DOCK2: variants seen among roughly 807,000 people sequenced by gnomAD.
The protein encoded by DOCK2 is dedicator of cytokinesis protein 2.
A neutral mutation model predicts 248.9 loss-of-function variants in DOCK2; 87 were observed. The ratio of observed to expected loss-of-function variants is 0.35; its 90% CI spans 0.29 to 0.42. The LOEUF (loss-of-function observed/expected upper bound fraction) is 0.42, where lower values mean the gene tolerates loss of function less well. Among genes scored for constraint, DOCK2 ranks in the 10% least tolerant of loss-of-function variants. The probability of loss-of-function intolerance (pLI) is 1.00; values close to 1 mark genes in which losing one functional copy is unlikely to be tolerated. For synonymous variants in DOCK2, 805 were observed against 821.6 expected (o/e 0.98, Z 0.35); for missense variants, 1,747 against 2,300.2 (o/e 0.76, Z 4.92).
chr5:169,918,417 A>C (rs780830797), intron 27 of DOCK2, among the ~76,000 whole-genome samples: 22 of 152,176 alleles, frequency 1.4e-4, no homozygotes, highest in Non-Finnish European at 2.8e-4. Context: ...TATAAATCAC[A>C]ACATAGGAAA....
At chr5:169,747,340 CT>C in intron 22 of DOCK2, 55 bp from the exon 23 acceptor site, 1 of 1,526,774 alleles carries the variant, frequency 6.5e-7, no homozygotes, top group African/African-American at 1.4e-5. Flanking sequence ...CTAGTACACA[CT>C]TTTAAAAGTA....
intron 32 of DOCK2, among the ~76,000 whole-genome samples, chr5:170,017,120 C>T (rs1561882506): frequency 6.6e-6 from 1 of 152,136 alleles, no homozygotes; most frequent in Non-Finnish European, 1.5e-5. Flanking sequence ...ACTACTCCAA[C>T]ATTAAGCCTC....
rs1757760332 is a variant in DOCK2, at chr5:170,073,968, T to TGTTGGAC, written c.4729-1979_4729-1978insGTTGGAC. Among the ~76,000 whole-genome samples, 11 of 152,162 alleles carry TGTTGGAC rather than the reference T, an allele frequency of 7.2e-5. No homozygotes were observed. The South Asian group carries it at 2.1e-3, about 29-fold the overall frequency. On this transcript the variant is annotated intron_variant, in intron 46 of 51. Coordinates refer to ENST00000520908, the MANE Select transcript of DOCK2 (RefSeq NM_004946.3). ...CCACTCTCACCTTTATTATTTTCATTCCTTTTCTCCCTTTGAATTTAGTTC... is the reference window on the plus strand; with the variant it reads ...CCACTCTCACCTTTATTATTTTCATTGTTGGACCCTTTTCTCCCTTTGAATTTAGTTC...
At chr5:169,732,505 T>A (rs374788205) in intron 22 of DOCK2, among the ~76,000 whole-genome samples, 2 of 152,132 alleles carry the variant, frequency 1.3e-5, no homozygotes, top group Non-Finnish European at 2.9e-5. Context: ...TTCTAGTATA[T>A]CAAAGGCAAC....
rs554782701 is a variant in DOCK2 at position 169,765,504 on chromosome 5, C to T, written c.2554+3879C>T. ...GCCCGGAGAAAGCTCCAAGAGGAGTCTAGAAGAAAAGCAAACCCTCTGTGC... is the reference window on the plus strand; with the variant it reads ...GCCCGGAGAAAGCTCCAAGAGGAGTTTAGAAGAAAAGCAAACCCTCTGTGC... On this transcript the variant is annotated intron_variant, in intron 25 of 51. Coordinates refer to ENST00000520908, the MANE Select transcript of DOCK2 (RefSeq NM_004946.3). Among the ~76,000 whole-genome samples, 10 of 152,328 alleles carry T rather than the reference C, an allele frequency of 6.6e-5. No individual in the cohort carries two copies. In the South Asian group the frequency reaches 2.1e-3, roughly 32 times the overall value.
intron 1 of DOCK2, among the ~76,000 whole-genome samples, chr5:169,641,984 C>T (rs1332762042): frequency 1.3e-5 from 2 of 152,296 alleles, no homozygotes; most frequent in South Asian, 2.1e-4. Flanking sequence ...GGGTGCTGCC[C>T]CTGGCAGGTC....
At chr5:170,034,168 C>T (rs1020243414) in intron 34 of DOCK2, among the ~76,000 whole-genome samples, 2 of 152,162 alleles carry the variant, frequency 1.3e-5, no homozygotes, top group African/African-American at 4.8e-5. Flanking sequence ...ATCTCCCCCA[C>T]CATCATTATC....
chr5:169,706,639 G>T (rs756363414), intron 14 of DOCK2, among the ~76,000 whole-genome samples: 16 of 152,178 alleles, frequency 1.1e-4, no homozygotes, highest in Non-Finnish European at 1.9e-4. Flanking sequence ...GTTCTGGAAG[G>T]CTTCATCCCA....
chr5:169,871,120 C>T (rs1771940873), intron 27 of DOCK2, among the ~76,000 whole-genome samples: 1 of 152,280 alleles, frequency 6.6e-6, no homozygotes, highest in East Asian at 1.9e-4. Context: ...AGTTCATGAC[C>T]TAATCACCTT....
chr5:169,946,453 G>T (rs1776452969), intron 27 of DOCK2, among the ~76,000 whole-genome samples: 1 of 152,208 alleles, frequency 6.6e-6, no homozygotes, highest in Non-Finnish European at 1.5e-5. Flanking sequence ...GAAAGGGCAG[G>T]AGTGTTTTGG....
intron 26 of DOCK2, among the ~76,000 whole-genome samples, chr5:169,810,989 T>TCA (rs55987604): frequency 0.058 from 5,632 of 97,246 alleles, 122 homozygotes; most frequent in East Asian, 0.089. Context: ...TCTCTCTCTC[T>TCA]CACACACACA....
chr5:170,047,936 G>A (rs61591572), intron 40 of DOCK2, among the ~76,000 whole-genome samples: 16,227 of 152,212 alleles, frequency 0.11, 1,564 homozygotes, highest in East Asian at 0.48. Context: ...TTACTGTAGA[G>A]CAGTCGTTCT....
chr5:169,697,152 T>C (rs1760682161), intron 10 of DOCK2, among the ~76,000 whole-genome samples: 1 of 152,150 alleles, frequency 6.6e-6, no homozygotes, highest in African/African-American at 2.4e-5. Flanking sequence ...AAAGGTACTT[T>C]ATTGGTGTAA....
chr5:169,686,034 G>T (rs1016709695), intron 8 of DOCK2, among the ~76,000 whole-genome samples: 6 of 152,212 alleles, frequency 3.9e-5, no homozygotes, highest in African/African-American at 7.2e-5. Context: ...ACCTCAAAGA[G>T]TCAGCCCAAT....
intron 32 of DOCK2, among the ~76,000 whole-genome samples, chr5:170,017,755 A>C (rs559456125): frequency 6.6e-6 from 1 of 152,298 alleles, no homozygotes; most frequent in East Asian, 1.9e-4. Flanking sequence ...TGTAATTGAT[A>C]GTGGAGTCAA....
At chr5:170,009,846 G>T (rs1755215311) in intron 32 of DOCK2, among the ~76,000 whole-genome samples, 1 of 152,178 alleles carries the variant, frequency 6.6e-6, no homozygotes, top group Non-Finnish European at 1.5e-5. Context: ...GATAGCATCA[G>T]ACTCGAGCTA....
intron 45 of DOCK2, 62 bp downstream of exon 45, chr5:170,067,748 C>T: frequency 1.9e-6 from 3 of 1,566,000 alleles, no homozygotes; most frequent in Admixed American, 3.5e-5. Context: ...GTGGGAGGAC[C>T]CAGGGGGCAG....
At chr5:169,951,993 A>G (rs780938369) in intron 27 of DOCK2, among the ~76,000 whole-genome samples, 4 of 152,214 alleles carry the variant, frequency 2.6e-5, no homozygotes, top group Non-Finnish European at 4.4e-5. Flanking sequence ...TATACAAATG[A>G]CATTGTTGGT....
intron 23 of DOCK2, 78 bp from the exon 24 acceptor site, chr5:169,759,627 A>T: frequency 6.7e-7 from 1 of 1,485,470 alleles, no homozygotes; most frequent in Non-Finnish European, 9.4e-7. Flanking sequence ...GATCTGTGTC[A>T]TGCTGCAAAG....
Sources: gnomAD v4.1 joint callset for allele counts (sites outside exome capture counted in the v4.1 genomes callset) on GRCh38, gnomAD v4.1.1 for gene constraint, MANE v1.5 for transcripts, NCBI Gene and HGNC (gene_info 2026-07-23, HGNC 2026-07-21) for gene names.